Variants in METTL15 observed in about 807,000 individuals in gnomAD.
The protein encoded by METTL15 is 12S rRNA N(4)-cytidine methyltransferase METTL15.
METTL15 carries 34 observed loss-of-function variants against 38.3 expected under a neutral mutation model. That is an observed-to-expected ratio of 0.89 (90% CI 0.68 to 1.18). The LOEUF is 1.18. Ranked by LOEUF, METTL15 falls within the 50% of genes most tolerant of loss-of-function variation. METTL15 has a pLI of 0.00. For synonymous variants in METTL15, 162 were observed against 170.9 expected (o/e 0.95, Z 0.41); for missense variants, 438 against 498.4 (o/e 0.88, Z 1.15).
chr11:28,278,677 G>A (rs925320872), intron 4 of METTL15, among the ~76,000 whole-genome samples: 2 of 152,098 alleles, frequency 1.3e-5, no homozygotes, highest in Admixed American at 1.3e-4. Flanking sequence ...CTTGTCTTCA[G>A]TACTGCATAC....
intron 3 of METTL15, among the ~76,000 whole-genome samples, chr11:28,169,180 A>T (rs1449857295): frequency 2.0e-5 from 3 of 152,200 alleles, no homozygotes; most frequent in Non-Finnish European, 4.4e-5. Context: ...AATCATCATT[A>T]CTATTGTGAG....
At chr11:28,436,141 A>G (rs1364561711) in intron 6 of METTL15, among the ~76,000 whole-genome samples, 2 of 152,222 alleles carry the variant, frequency 1.3e-5, no homozygotes, top group Admixed American at 6.5e-5. Flanking sequence ...TTTCTTAGTT[A>G]TAACAGGTGA....
chr11:28,185,790 G>A (rs1449488305), intron 3 of METTL15, among the ~76,000 whole-genome samples: 5 of 150,428 alleles, frequency 3.3e-5, no homozygotes, highest in Non-Finnish European at 1.5e-5. Context: ...TCATGTTTCA[G>A]GTCTTGTTCG....
intron 3 of METTL15, among the ~76,000 whole-genome samples, chr11:28,201,623 G>GTGTGTGTGTGTGTGTGTGTGTGTC (rs1852120070): frequency 6.6e-6 from 1 of 151,828 alleles, no homozygotes; most frequent in Non-Finnish European, 1.5e-5. Context: ...GTGTGTGTGT[G>GTGTGTGTGTGTGTGTGTGTGTGTC]TCCAGGAATT....
At chr11:28,405,192 T>C (rs1025348574) in intron 5 of METTL15, among the ~76,000 whole-genome samples, 7 of 152,126 alleles carry the variant, frequency 4.6e-5, no homozygotes, top group Non-Finnish European at 7.3e-5. Flanking sequence ...TTTTTCACTA[T>C]ATTATGTGCT....
At chr11:28,385,242 A>C (rs1183438780) in intron 5 of METTL15, among the ~76,000 whole-genome samples, 5 of 152,088 alleles carry the variant, frequency 3.3e-5, no homozygotes, top group African/African-American at 1.2e-4. Flanking sequence ...GAATAGTATT[A>C]CCTAGATTGT....
intron 3 of METTL15, among the ~76,000 whole-genome samples, chr11:28,167,102 A>G (rs1218141507): frequency 6.6e-6 from 1 of 152,194 alleles, no homozygotes; most frequent in Non-Finnish European, 1.5e-5. Context: ...TGATAGACAC[A>G]GTCATTAAAT....
chr11:28,214,241 C>G (rs1364615413), intron 4 of METTL15, among the ~76,000 whole-genome samples: 1 of 151,730 alleles, frequency 6.6e-6, no homozygotes, highest in Non-Finnish European at 1.5e-5. Flanking sequence ...TCTATGTTGC[C>G]CAGGCTGGTC....
chr11:28,161,608 T>G (rs1438987510), intron 3 of METTL15, among the ~76,000 whole-genome samples: 2 of 152,092 alleles, frequency 1.3e-5, no homozygotes, highest in Non-Finnish European at 2.9e-5. Context: ...CCTGTCAAAT[T>G]GAAGAAAATG....
rs564355037 is a variant in METTL15, at chr11:28,430,659, C to T, written c.*424+6295C>T. The stretch of plus-strand genomic sequence containing the variant: ...CTGGGAGGTGAGGGGCGCCTCTGCC[C>T]GGCCACCCCTACTGGGAAGTGAAGA... On this transcript the variant is annotated intron_variant and NMD_transcript_variant, in intron 6 of 7. Coordinates refer to the METTL15 transcript ENST00000532947. Among the ~76,000 whole-genome samples, 305 of 91,990 alleles carry T rather than the reference C, an allele frequency of 3.3e-3. 8 individuals carry two copies. Among genetic ancestry groups the T allele is most frequent in the Non-Finnish European group, 4.4e-3 (191 of 43,190 alleles). The allele number at this position is 91,990 out of a possible 152,430, so 60.3% of individuals were successfully genotyped here.
rs556934992 is a variant in METTL15 at position 28,509,476 on chromosome 11, A to G, written c.*425-17002A>G. On this transcript the variant is annotated intron_variant and NMD_transcript_variant, in intron 6 of 7. Coordinates refer to the METTL15 transcript ENST00000532947. ...GCTTTCCTCTCGTTGCACTAAGTCAATCCTTTATTTAAAAAAAAAAAAAAA... is the reference window on the plus strand; with the variant it reads ...GCTTTCCTCTCGTTGCACTAAGTCAGTCCTTTATTTAAAAAAAAAAAAAAA... 2.0e-5 allele frequency among the ~76,000 whole-genome samples: 3 copies of G among 149,638 alleles called. No individual in the cohort carries two copies. The South Asian group carries it at 6.6e-4, about 33-fold the overall frequency.
chr11:28,524,474 G>C (rs1169668003), intron 6 of METTL15, among the ~76,000 whole-genome samples: 1 of 152,190 alleles, frequency 6.6e-6, no homozygotes, highest in African/African-American at 2.4e-5. Context: ...ACATGGAACT[G>C]ATTAGTAAGT....
At chr11:28,441,613 G>C (rs1008320453) in intron 6 of METTL15, among the ~76,000 whole-genome samples, 1 of 151,568 alleles carries the variant, frequency 6.6e-6, no homozygotes, top group African/African-American at 2.4e-5. Flanking sequence ...ATGTCCTTAC[G>C]ACCTCACTTC....
intron 3 of METTL15, among the ~76,000 whole-genome samples, chr11:28,184,898 A>C: frequency 6.6e-6 from 1 of 151,552 alleles, no homozygotes; most frequent in East Asian, 1.9e-4. Context: ...CATGTATCCA[A>C]GGAAAATACC....
At position 28,208,014 on chromosome 11, in the gene METTL15, G is replaced by A. The variant is rs546939444; in HGVS notation, c.271-3048G>A. ...TTCTTCTCTCATTTCTTCTTTATTA[G>A]TCTTGCTAGCAGTCTATCAATTTTG... On this transcript the variant is annotated intron_variant, in intron 3 of 6. Transcript: ENST00000407364. Among the ~76,000 whole-genome samples, 7 of 151,534 alleles carry A rather than the reference G, an allele frequency of 4.6e-5. 1 individual carries two copies. The highest frequency in any genetic ancestry group is 2.1e-4 in the South Asian group (1 of 4,806).
chr11:28,353,901 C>T (rs1403836088), intron 4 of METTL15, among the ~76,000 whole-genome samples: 1 of 141,286 alleles, frequency 7.1e-6, no homozygotes, highest in African/African-American at 2.7e-5. Flanking sequence ...GTCCGCAGTC[C>T]GGCCTGGGCG....
At chr11:28,267,407 C>T (rs1241288870) in intron 4 of METTL15, among the ~76,000 whole-genome samples, 2 of 152,112 alleles carry the variant, frequency 1.3e-5, no homozygotes, top group Non-Finnish European at 2.9e-5. Context: ...ATTACCTGCT[C>T]AATAAGGCAT....
At chr11:28,451,281 A>G (rs569668379) in intron 6 of METTL15, among the ~76,000 whole-genome samples, 2 of 152,080 alleles carry the variant, frequency 1.3e-5, no homozygotes, top group East Asian at 3.9e-4. Context: ...GGAAAGGAAA[A>G]TTAATTTGAA....
chr11:28,352,478 G>A (rs185744908), intron 4 of METTL15, among the ~76,000 whole-genome samples: 37 of 152,266 alleles, frequency 2.4e-4, no homozygotes, highest in African/African-American at 8.4e-4. Flanking sequence ...AGGCTTAGAA[G>A]TATCATAAAC....
Sources: allele counts gnomAD v4.1 joint callset (sites outside exome capture counted in the v4.1 genomes callset), GRCh38; gene constraint gnomAD v4.1.1; transcripts MANE v1.5; gene names NCBI Gene and HGNC (gene_info 2026-07-23, HGNC 2026-07-21).